Variants in ASIC2 observed in about 807,000 individuals in gnomAD.
ASIC2 encodes the protein acid sensing ion channel subunit 2, also known as acid-sensing ion channel 2.
A neutral mutation model predicts 57.3 loss-of-function variants in ASIC2; 25 were observed. The observed-to-expected ratio is 0.44, with a 90% CI of 0.32 to 0.61. The LOEUF is 0.61. Among genes scored for constraint, ASIC2 ranks in the 20% least tolerant of loss-of-function variants. ASIC2 has a pLI of 0.06. For missense variants in ASIC2, 641 were observed against 738.1 expected (o/e 0.87, Z 1.52); for synonymous variants, 319 against 307.5 (o/e 1.04, Z -0.39).
chr17:33,846,220 C>A (rs7213529), intron 1 of ASIC2, among the ~76,000 whole-genome samples: 3,841 of 152,220 alleles, frequency 0.025, 182 homozygotes, highest in African/African-American at 0.088. Context: ...AGATAGGGAG[C>A]AGGTTCTGGG....
At chr17:33,777,965 G>T (rs746529525) in intron 1 of ASIC2, among the ~76,000 whole-genome samples, 32 of 152,040 alleles carry the variant, frequency 2.1e-4, no homozygotes, top group Non-Finnish European at 4.0e-4. Context: ...TTATTTCCAC[G>T]ATGGGCTGTG....
At chr17:33,146,226 A>G (rs1904557136) in intron 1 of ASIC2, among the ~76,000 whole-genome samples, 2 of 152,342 alleles carry the variant, frequency 1.3e-5, no homozygotes, top group South Asian at 4.1e-4. Flanking sequence ...CACCCACAGG[A>G]CAGTTGAATG....
At chr17:33,180,933 C>G (rs1905956147) in intron 1 of ASIC2, among the ~76,000 whole-genome samples, 1 of 152,106 alleles carries the variant, frequency 6.6e-6, no homozygotes, top group South Asian at 2.1e-4. Context: ...GCAGAAGGGC[C>G]ACGCGGCTGT....
chr17:33,191,866 C>T (rs375870201), intron 1 of ASIC2, among the ~76,000 whole-genome samples: 10 of 152,270 alleles, frequency 6.6e-5, no homozygotes, highest in East Asian at 5.8e-4. Flanking sequence ...CCTATCTCAT[C>T]GGCCAGAATT....
chr17:33,944,000 G>A (rs1326482275), intron 1 of ASIC2, among the ~76,000 whole-genome samples: 2 of 152,074 alleles, frequency 1.3e-5, no homozygotes, highest in African/African-American at 4.8e-5. Flanking sequence ...TGCGTCTGAG[G>A]ATGAAGGCGG....
rs1169388474 is a variant in ASIC2, at chr17:33,932,721, A to T, written c.555+223257T>A. 241 of 100,016 alleles carry T rather than the reference A, an allele frequency of 2.4e-3. 2 individuals carry two copies. Among genetic ancestry groups the T allele is most frequent in the Middle Eastern group, 4.8e-3 (1 of 210 alleles). The allele number at this position is 100,016 out of a possible 1,614,324, so 6.2% of individuals were successfully genotyped here. A position where few individuals can be genotyped will look rare whatever the true frequency, so the allele number is the denominator to read the frequency against. On this transcript the variant is annotated intron_variant, in intron 1 of 9. Coordinates refer to the ASIC2 transcript ENST00000359872. ...AAAGCGAAACTTTGTTTCAAAAAAA[A>T]AAAAAAAAAAAAAAAAAAAAATATA...
At chr17:33,033,672 C>T (rs2091896032) in intron 3 of ASIC2, among the ~76,000 whole-genome samples, 1 of 152,172 alleles carries the variant, frequency 6.6e-6, no homozygotes, top group Admixed American at 6.5e-5. Context: ...CAGCAGGAGG[C>T]AGATTGATTC....
chr17:34,019,257 T>C (rs887165187), intron 1 of ASIC2, among the ~76,000 whole-genome samples: 7 of 152,128 alleles, frequency 4.6e-5, no homozygotes, highest in Non-Finnish European at 1.0e-4. Context: ...ACTGTTGAAA[T>C]GACAACAAAG....
chr17:34,040,593 G>C lies in ASIC2; in HGVS notation c.555+115385C>G, dbSNP rs11870476. Reference sequence around the variant, plus strand: ...AGACAGGGTAGGGTGACTTGCACAAGCTAACAGTGCTGCCAGGTGAGAGAG... The same window carrying C: ...AGACAGGGTAGGGTGACTTGCACAACCTAACAGTGCTGCCAGGTGAGAGAG... On this transcript the variant is annotated intron_variant, in intron 1 of 9. Coordinates refer to the ASIC2 transcript ENST00000359872. Among the ~76,000 whole-genome samples, 1,200 of 152,278 alleles carry C rather than the reference G, an allele frequency of 7.9e-3. 18 individuals carry two copies. The highest frequency in any genetic ancestry group is 0.027 in the African/African-American group (1,138 of 41,552).
At chr17:33,330,426 A>G (rs1220802892) in intron 1 of ASIC2, among the ~76,000 whole-genome samples, 1 of 152,202 alleles carries the variant, frequency 6.6e-6, no homozygotes, top group South Asian at 2.1e-4. Context: ...GATCAGAAGA[A>G]TAAAGTCTGC....
intron 1 of ASIC2, among the ~76,000 whole-genome samples, chr17:33,901,082 A>C (rs1280710650): frequency 2.6e-5 from 4 of 152,064 alleles, no homozygotes; most frequent in African/African-American, 9.7e-5. Context: ...TACTATGACA[A>C]AGTCCTCCCT....
chr17:33,856,629 A>G (rs183411), intron 1 of ASIC2, among the ~76,000 whole-genome samples: 44,169 of 114,188 alleles, frequency 0.39, 7,750 homozygotes, highest in East Asian at 0.66. Context: ...AATTGTTTCT[A>G]CACCGAGGGT....
At chr17:34,084,394 A>G (rs1353193072) in intron 1 of ASIC2, among the ~76,000 whole-genome samples, 4 of 152,222 alleles carry the variant, frequency 2.6e-5, no homozygotes, top group Non-Finnish European at 5.9e-5. Flanking sequence ...GTTCTGTTCC[A>G]TTGATCTATA....
chr17:34,099,158 GAGAGAGAA>G (rs1910686548), intron 1 of ASIC2, among the ~76,000 whole-genome samples: 1 of 28,924 alleles, frequency 3.5e-5, no homozygotes, highest in East Asian at 1.0e-3. Flanking sequence ...GAGAGAGAGA[GAGAGAGAA>G]AGAAAGAAAG....
intron 1 of ASIC2, among the ~76,000 whole-genome samples, chr17:33,776,684 G>A (rs559251688): frequency 3.3e-5 from 5 of 152,268 alleles, no homozygotes; most frequent in African/African-American, 1.2e-4. Context: ...GGTCCAGTGT[G>A]GTGCTGAGTG....
At chr17:33,150,849 C>CAAAAAAAAAAAAA (rs61602373) in intron 1 of ASIC2, among the ~76,000 whole-genome samples, 3 of 18,912 alleles carry the variant, frequency 1.6e-4, no homozygotes, top group East Asian at 2.4e-3. Context: ...GACTCCGTCT[C>CAAAAAAAAAAAAA]AAAAAAAAAA....
intron 1 of ASIC2, among the ~76,000 whole-genome samples, chr17:34,000,250 A>ATT (rs199804905): frequency 0.015 from 1,813 of 119,176 alleles, 68 homozygotes; most frequent in African/African-American, 0.054. Flanking sequence ...GTGGAGATCT[A>ATT]TTTTTTTTTT....
chr17:33,766,395 C>G (rs1910937567), intron 1 of ASIC2, among the ~76,000 whole-genome samples: 1 of 152,148 alleles, frequency 6.6e-6, no homozygotes, highest in African/African-American at 2.4e-5. Context: ...AGAAGCAGAT[C>G]ACACTCTCCA....
intron 1 of ASIC2, among the ~76,000 whole-genome samples, chr17:33,409,138 C>T (rs774341861): frequency 1.3e-5 from 2 of 152,170 alleles, no homozygotes; most frequent in African/African-American, 2.4e-5. Flanking sequence ...TTTATTGAGC[C>T]TGGGAGGCAG....
Sources: gnomAD v4.1 joint callset for allele counts (sites outside exome capture counted in the v4.1 genomes callset) on GRCh38, gnomAD v4.1.1 for gene constraint, MANE v1.5 for transcripts, NCBI Gene and HGNC (gene_info 2026-07-23, HGNC 2026-07-21) for gene names.